Variants in GET4 observed in about 807,000 individuals in gnomAD.
GET4 encodes guided entry of tail-anchored proteins factor 4.
Under a neutral mutation model 40.0 loss-of-function variants are expected in GET4, and 20 were observed. The observed-to-expected ratio is 0.50, with a 90% CI of 0.35 to 0.73. The LOEUF (loss-of-function observed/expected upper bound fraction) is 0.73, where lower values mean the gene tolerates loss of function less well. GET4 is among the 30% of genes least tolerant of loss of function. The pLI, the probability that GET4 is intolerant of heterozygous loss-of-function variation, is 0.01. For missense variants in GET4, 557 were observed against 454.0 expected (o/e 1.23, Z -2.06); for synonymous variants, 280 against 194.6 (o/e 1.44, Z -3.65).
At chr7:884,479 C>T (rs140318776) in intron 1 of GET4, 77 of 694,380 alleles carry the variant, frequency 1.1e-4, no homozygotes, top group East Asian at 1.1e-3. Flanking sequence ...GACGGGGGTG[C>T]GGGGGCACTT....
chr7:894,015 G>T (rs376844259), intron 8 of GET4, 44 bp downstream of exon 8: 4 of 1,361,394 alleles, frequency 2.9e-6, no homozygotes, highest in Admixed American at 4.3e-5. Context: ...GCCCTGGGTC[G>T]GTGTGGGGTC....
At position 896,031 on chromosome 7, in the gene GET4, C is replaced by T. The variant is rs1844481506; in HGVS notation, c.*609C>T. 1.3e-5 allele frequency: 2 copies of T among 152,220 alleles called. No individual in the cohort carries two copies. The highest frequency in any genetic ancestry group is 1.3e-4 in the Admixed American group (2 of 15,294). 9.4% of individuals were successfully genotyped at this position (152,220 alleles called of 1,614,324 possible). A position where few individuals can be genotyped will look rare whatever the true frequency, so the allele number is the denominator to read the frequency against. ...CCTACGGGTACTTGCAGCTGTGTCC[C>T]ATGTGGCATCCCAGAGCTGCGCCCT... On this transcript the variant is annotated 3_prime_UTR_variant, in exon 9 of 9. Transcript: ENST00000265857.
chr7:894,653 C>T (rs1195693261), intron 8 of GET4, among the ~76,000 whole-genome samples: 1 of 152,226 alleles, frequency 6.6e-6, no homozygotes, highest in African/African-American at 2.4e-5. Context: ...CCAGTCGAAA[C>T]CGCAGCCTGA....
At chr7:886,200 C>A in intron 2 of GET4, 66 bp downstream of exon 2, 2 of 1,001,590 alleles carry the variant, frequency 2.0e-6, no homozygotes, top group Non-Finnish European at 3.2e-6. Context: ...GTGGGAATGA[C>A]CTCCCACCTC....
rs191057649 is a variant in GET4 at position 896,045 on chromosome 7, G to A, written c.*623G>A. On this transcript the variant is annotated 3_prime_UTR_variant, in exon 9 of 9. Coordinates refer to ENST00000265857, the MANE Select transcript of GET4 (RefSeq NM_015949.3). ...CAGCTGTGTCCCATGTGGCATCCCA[G>A]AGCTGCGCCCTGCTGGTCTCTGTGA... 6.6e-6 allele frequency: 1 copy of A among 152,228 alleles called. No homozygotes were observed. The highest frequency in any genetic ancestry group is 1.5e-5 in the Non-Finnish European group (1 of 68,042). The allele number at this position is 152,228 out of a possible 1,614,324, so 9.4% of individuals were successfully genotyped here.
chr7:878,778 A>G (rs959249411), intron 1 of GET4, among the ~76,000 whole-genome samples: 2 of 151,874 alleles, frequency 1.3e-5, no homozygotes, highest in African/African-American at 4.8e-5. Context: ...ACGGGGTTTC[A>G]CCATGTTGGC....
intron 5 of GET4, 141 bp downstream of exon 5, chr7:891,207 G>A: frequency 8.0e-6 from 5 of 624,660 alleles, no homozygotes; most frequent in Non-Finnish European, 1.4e-5. Flanking sequence ...CAGTGCACTT[G>A]TCAGCCTGAC....
At chr7:884,312 C>T (rs2128627357) in intron 1 of GET4, 1 of 1,304,124 alleles carries the variant, frequency 7.7e-7, no homozygotes, top group South Asian at 1.2e-5. Context: ...TCCTCTGAGT[C>T]AGTCATGTCC....
At chr7:887,553 C>G in intron 4 of GET4, 34 bp downstream of exon 4, 1 of 1,474,126 alleles carries the variant, frequency 6.8e-7, no homozygotes, top group Non-Finnish European at 9.0e-7. Context: ...GTGGGCACCT[C>G]TCTGCTCTCG....
intron 4 of GET4, among the ~76,000 whole-genome samples, chr7:889,204 C>T (rs972753713): frequency 6.6e-6 from 1 of 152,260 alleles, no homozygotes; most frequent in African/African-American, 2.4e-5. Context: ...TGGCTGCCTC[C>T]CACTGGGGTA....
intron 1 of GET4, among the ~76,000 whole-genome samples, chr7:879,460 T>TTTTTAGTGG (rs1275059473): frequency 5.3e-5 from 8 of 152,166 alleles, no homozygotes; most frequent in Non-Finnish European, 1.0e-4. Context: ...TGGGATGAGG[T>TTTTTAGTGG]CCTGGCATCT....
Position 887,220 on chromosome 7 carries a change from G to A in GET4, c.317-150G>A, listed in dbSNP as rs7780917. ...CGCTGGAACTGCGGTGGGCAGCTCA[G>A]TGTGGTGGTCCACGGCTCACTCAGG... On this transcript the variant is annotated intron_variant, in intron 3 of 8. Coordinates refer to ENST00000265857, the MANE Select transcript of GET4 (RefSeq NM_015949.3). 2,795 of 835,442 alleles carry A rather than the reference G, an allele frequency of 3.3e-3. 68 individuals are homozygous for A. In the African/African-American group the frequency reaches 0.041, roughly 12 times the overall value. The allele number at this position is 835,442 out of a possible 1,614,324, so 51.8% of individuals were successfully genotyped here.
chr7:881,301 A>T (rs1844080550), intron 1 of GET4: 3 of 152,346 alleles, frequency 2.0e-5, no homozygotes, highest in Admixed American at 2.0e-4. Flanking sequence ...ATACCACGGC[A>T]CTGTGGGGCT....
rs376159705 is a variant in GET4 at position 895,640 on chromosome 7, C to A, written c.*218C>A. 9 of 412,174 alleles carry A rather than the reference C, an allele frequency of 2.2e-5. No homozygotes were observed. The East Asian group carries it at 3.5e-4, about 16-fold the overall frequency. The allele number at this position is 412,174 out of a possible 1,614,324, so 25.5% of individuals were successfully genotyped here. ...AGAGTGGGGCGTCGCCCCTGCTGGCCGCCGCGTCCCCCGAGATTGACCCAC... is the reference window on the plus strand; with the variant it reads ...AGAGTGGGGCGTCGCCCCTGCTGGCAGCCGCGTCCCCCGAGATTGACCCAC... On this transcript the variant is annotated 3_prime_UTR_variant, in exon 9 of 9. Transcript: ENST00000265857.
At chr7:890,478 A>C (rs1844295396) in intron 4 of GET4, among the ~76,000 whole-genome samples, 2 of 151,846 alleles carry the variant, frequency 1.3e-5, no homozygotes, top group Admixed American at 1.3e-4. Flanking sequence ...GTGTGTGTTC[A>C]TGAGATGTTG....
intron 5 of GET4, 130 bp from the exon 6 acceptor site, chr7:892,148 C>A: frequency 1.2e-6 from 1 of 811,870 alleles, no homozygotes; most frequent in Non-Finnish European, 2.0e-6. Flanking sequence ...AGCACTGGGT[C>A]CCTCCATGGC....
intron 5 of GET4, among the ~76,000 whole-genome samples, 163 bp from the exon 6 acceptor site, chr7:892,115 C>T (rs1844337676): frequency 6.6e-6 from 1 of 152,270 alleles, no homozygotes; most frequent in African/African-American, 2.4e-5. Flanking sequence ...GTGTGCCCTG[C>T]ACATGAGGGA....
chr7:893,595 C>T lies in GET4; in HGVS notation c.747-145C>T, dbSNP rs1327198210. On this transcript the variant is annotated intron_variant, in intron 6 of 8. Coordinates refer to ENST00000265857, the MANE Select transcript of GET4 (RefSeq NM_015949.3). The stretch of plus-strand genomic sequence containing the variant: ...GTGGTGGTTGCAGGTGAGTGTTGGG[C>T]ATGGGCGCGGTGTGTGCAGGTGAGT... 217 of 352,146 alleles carry T rather than the reference C, an allele frequency of 6.2e-4. 4 individuals carry two copies. In the East Asian group the frequency reaches 7.8e-3, roughly 13 times the overall value. The allele number at this position is 352,146 out of a possible 1,614,324, so 21.8% of individuals were successfully genotyped here.
chr7:882,626 G>C (rs1368134266), intron 1 of GET4: 1 of 151,880 alleles, frequency 6.6e-6, no homozygotes, highest in Non-Finnish European at 1.5e-5. Flanking sequence ...GGATGGCGCG[G>C]GTTGTGGGCG....
Sources: gnomAD v4.1 joint callset for allele counts (sites outside exome capture counted in the v4.1 genomes callset) on GRCh38, gnomAD v4.1.1 for gene constraint, MANE v1.5 for transcripts, NCBI Gene and HGNC (gene_info 2026-07-23, HGNC 2026-07-21) for gene names.